The following PCBD2 variants were observed in gnomAD, a reference collection of about 807,000 sequenced individuals.
PCBD2 encodes pterin-4 alpha-carbinolamine dehydratase 2.
In PCBD2, 12 loss-of-function variants were observed where a neutral mutation model predicts 16.4. The ratio of observed to expected loss-of-function variants is 0.73; its 90% CI spans 0.47 to 1.19. PCBD2 has a LOEUF of 1.19. Ranked by LOEUF, PCBD2 falls within the 50% of genes most tolerant of loss-of-function variation. The pLI is 0.00. For missense variants in PCBD2, 138 were observed against 156.8 expected, an observed-to-expected ratio of 0.88 and a Z score of 0.64; for synonymous variants, 58 against 61.8, an observed-to-expected ratio of 0.94 and a Z score of 0.29.
At chr5:134,909,740 C>T (rs1046562473) in intron 1 of PCBD2, among the ~76,000 whole-genome samples, 18 of 152,080 alleles carry the variant, frequency 1.2e-4, no homozygotes, top group East Asian at 1.9e-4. Flanking sequence ...CCAAGATGGC[C>T]GGTGGTAATA....
At chr5:134,910,196 A>T in intron 1 of PCBD2, 139 bp from the exon 2 acceptor site, 1 of 940,040 alleles carries the variant, frequency 1.1e-6, no homozygotes, top group Non-Finnish European at 1.6e-6. Context: ...TGGTCTCTTT[A>T]AGAGAACAAA....
chr5:134,954,463 A>G (rs992723703), intron 2 of PCBD2, among the ~76,000 whole-genome samples: 1 of 152,216 alleles, frequency 6.6e-6, no homozygotes, highest in Non-Finnish European at 1.5e-5. Flanking sequence ...AACTGAATGA[A>G]TATATTGCTT....
chr5:134,923,792 G>A (rs935672650), intron 2 of PCBD2: 7 of 393,276 alleles, frequency 1.8e-5, no homozygotes, highest in African/African-American at 4.1e-5. Flanking sequence ...ATATTGAGGC[G>A]CCATTGGCGT....
intron 2 of PCBD2, among the ~76,000 whole-genome samples, chr5:134,915,542 G>A (rs971311928): frequency 2.0e-5 from 3 of 149,302 alleles, no homozygotes; most frequent in African/African-American, 5.0e-5. Flanking sequence ...GAACTCCCTG[G>A]GCTCAGGCGA....
chr5:134,960,862 G>C lies in PCBD2; in HGVS notation c.*181G>C, dbSNP rs1456111289. On this transcript the variant is annotated 3_prime_UTR_variant, in exon 4 of 4. Transcript: ENST00000254908. Reference sequence around the variant, plus strand: ...GCTCACTGTAACCTCCGCCTCCCAGGTTCAGGTGATTCTCCTGCCTCAGCC... The same window carrying C: ...GCTCACTGTAACCTCCGCCTCCCAGCTTCAGGTGATTCTCCTGCCTCAGCC... The C allele has an allele frequency of 1.4e-5, 7 of 496,178 alleles. No individual in the cohort carries two copies. The highest frequency in any genetic ancestry group is 2.5e-5 in the Non-Finnish European group (7 of 280,034). The allele number at this position is 496,178 out of a possible 1,614,324, so 30.7% of individuals were successfully genotyped here.
chr5:134,944,857 G>C (rs1751272353), intron 2 of PCBD2, among the ~76,000 whole-genome samples: 1 of 152,216 alleles, frequency 6.6e-6, no homozygotes, highest in African/African-American at 2.4e-5. Context: ...AGGGAAGCTG[G>C]TGTTTATCTG....
intron 2 of PCBD2, among the ~76,000 whole-genome samples, chr5:134,935,550 T>G (rs180865949): frequency 2.6e-4 from 40 of 152,360 alleles, no homozygotes; most frequent in African/African-American, 9.1e-4. Flanking sequence ...AATTTACAAG[T>G]TACAGAGAAT....
At chr5:134,960,016 G>A (rs1270938979) in intron 3 of PCBD2, among the ~76,000 whole-genome samples, 1 of 146,938 alleles carries the variant, frequency 6.8e-6, no homozygotes, top group African/African-American at 2.5e-5. Context: ...TCAGCCTCCC[G>A]AGTAGCTGGG....
intron 1 of PCBD2, among the ~76,000 whole-genome samples, chr5:134,907,471 G>T (rs1750710079): frequency 6.6e-6 from 1 of 151,980 alleles, no homozygotes; most frequent in Non-Finnish European, 1.5e-5. Flanking sequence ...TCGAACTCCT[G>T]ACCTTGTGAT....
At chr5:134,925,743 G>A in intron 2 of PCBD2, 2 of 396,444 alleles carry the variant, frequency 5.0e-6, no homozygotes, top group African/African-American at 2.1e-5. Context: ...CAGGGGTGGG[G>A]CCTTCTATGG....
chr5:134,951,803 C>T (rs1751361279), intron 2 of PCBD2, among the ~76,000 whole-genome samples: 1 of 152,076 alleles, frequency 6.6e-6, no homozygotes, highest in Non-Finnish European at 1.5e-5. Context: ...ATGTCCTTTG[C>T]TCATTTAAAA....
chr5:134,921,110 T>A (rs1750898538), intron 2 of PCBD2, among the ~76,000 whole-genome samples: 1 of 152,242 alleles, frequency 6.6e-6, no homozygotes, highest in Admixed American at 6.5e-5. Flanking sequence ...TCAGGATTCG[T>A]GAACCCAGCA....
At position 134,910,436 on chromosome 5, in the gene PCBD2, C is replaced by G. The variant is rs779158462; in HGVS notation, c.186C>G (p.Tyr62Ter). 6.2e-7 allele frequency: 1 copy of G among 1,614,054 alleles called. No individual in the cohort carries two copies. Among genetic ancestry groups the G allele is most frequent in the African/African-American group, 1.3e-5 (1 of 74,932 alleles). ...AATTAAGTGAGAGAGATGCCATCTA[C>G]AAAGAATTCTCCTTCCACAATTTTA... ...WSELSERDAI[Y>*]KEFSFHNFNQ... The change falls in exon 2 of 4, where the codon TAC (tyrosine) becomes TAG (stop). Residue 62 changes from tyrosine to a stop codon, truncating the protein, a stop_gained. Transcript: ENST00000254908. LOFTEE classifies it high-confidence loss of function.
chr5:134,913,849 C>A (rs1188736650), intron 2 of PCBD2, among the ~76,000 whole-genome samples: 1 of 151,872 alleles, frequency 6.6e-6, no homozygotes, highest in African/African-American at 2.4e-5. Context: ...AGGGGAGGGT[C>A]AAGGATGGCA....
intron 2 of PCBD2, among the ~76,000 whole-genome samples, chr5:134,944,355 C>G (rs60894946): frequency 0.011 from 1,720 of 152,228 alleles, 32 homozygotes; most frequent in African/African-American, 0.04. Flanking sequence ...TTGTCTTTTT[C>G]TTCTACCAAG....
intron 2 of PCBD2, among the ~76,000 whole-genome samples, chr5:134,952,354 G>C (rs1199900837): frequency 6.6e-6 from 1 of 152,092 alleles, no homozygotes; most frequent in African/African-American, 2.4e-5. Flanking sequence ...AATTGATTGA[G>C]ATTTTCTTTG....
At chr5:134,909,896 C>T (rs1008639976) in intron 1 of PCBD2, among the ~76,000 whole-genome samples, 1 of 152,154 alleles carries the variant, frequency 6.6e-6, no homozygotes, top group African/African-American at 2.4e-5. Flanking sequence ...TGGTGAAAAT[C>T]CCTCTCTACC....
At chr5:134,926,923 T>G (rs1282134066) in intron 2 of PCBD2, 3 of 397,844 alleles carry the variant, frequency 7.5e-6, no homozygotes, top group African/African-American at 6.2e-5. Flanking sequence ...AGGTTAATAG[T>G]GGGGGGTAAG....
At chr5:134,922,169 CA>C (rs1284084558) in intron 2 of PCBD2, among the ~76,000 whole-genome samples, 1 of 152,148 alleles carries the variant, frequency 6.6e-6, no homozygotes, top group Non-Finnish European at 1.5e-5. Context: ...GAATTGGAAC[CA>C]AGGCCCTTTT....
Sources: allele counts gnomAD v4.1 joint callset (sites outside exome capture counted in the v4.1 genomes callset), GRCh38; gene constraint gnomAD v4.1.1; transcripts MANE v1.5; gene names NCBI Gene and HGNC (gene_info 2026-07-23, HGNC 2026-07-21).